THADA: variants seen among roughly 807,000 people sequenced by gnomAD.
THADA encodes the protein tRNA (32-2'-O)-methyltransferase regulator THADA.
THADA carries 213 observed loss-of-function variants against 219.8 expected under a neutral mutation model. The observed-to-expected ratio is 0.97, with a 90% CI of 0.87 to 1.09. The LOEUF (loss-of-function observed/expected upper bound fraction) is 1.09. Among genes scored for constraint, THADA ranks in the 50% least tolerant of loss-of-function variants. THADA has a pLI of 0.00. For synonymous variants in THADA, 1,018 were observed against 828.9 expected (o/e 1.23, Z -3.92); for missense variants, 2,956 against 2,311.3 (o/e 1.28, Z -5.72).
At chr2:43,317,550 A>T (rs1468480991) in intron 31 of THADA, among the ~76,000 whole-genome samples, 2 of 152,248 alleles carry the variant, frequency 1.3e-5, no homozygotes, top group Non-Finnish European at 2.9e-5. Flanking sequence ...TCTATTGCTC[A>T]ACCTGTTTTG....
At chr2:43,411,498 T>G (rs930188809) in intron 28 of THADA, among the ~76,000 whole-genome samples, 1 of 152,188 alleles carries the variant, frequency 6.6e-6, no homozygotes, top group Non-Finnish European at 1.5e-5. Flanking sequence ...TCCCCCCAAC[T>G]TGATTAGATT....
Position 43,262,489 on chromosome 2 carries a change from G to A in THADA, c.5296+17276C>T, listed in dbSNP as rs558643245. 8.3e-4 allele frequency among the ~76,000 whole-genome samples: 126 copies of A among 151,790 alleles called. 1 individual carries two copies. The highest frequency in any genetic ancestry group is 2.9e-3 in the African/African-American group (119 of 41,554). ...CAATCAGTCTGGACTCACTCATATGGAATGGACTGCAGTCACTTGAGAGAG... is the reference window on the plus strand; with the variant it reads ...CAATCAGTCTGGACTCACTCATATGAAATGGACTGCAGTCACTTGAGAGAG... On this transcript the variant is annotated intron_variant, in intron 36 of 37. Coordinates refer to ENST00000405975, the MANE Select transcript of THADA (RefSeq NM_022065.5).
At chr2:43,490,876 A>C (rs762546646) in intron 25 of THADA, among the ~76,000 whole-genome samples, 1 of 152,050 alleles carries the variant, frequency 6.6e-6, no homozygotes, top group South Asian at 2.1e-4. Context: ...ATCCTCCTCA[A>C]ATTTGAGGAG....
intron 14 of THADA, among the ~76,000 whole-genome samples, chr2:43,568,380 T>G (rs1310488413): frequency 1.3e-5 from 2 of 152,158 alleles, no homozygotes; most frequent in African/African-American, 4.8e-5. Flanking sequence ...CCACACCCTG[T>G]GCATGGCACC....
At chr2:43,444,820 T>C (rs1244040704) in intron 26 of THADA, among the ~76,000 whole-genome samples, 1 of 151,924 alleles carries the variant, frequency 6.6e-6, no homozygotes, top group Non-Finnish European at 1.5e-5. Flanking sequence ...AACAGAGTAA[T>C]GTACAGAGGT....
intron 17 of THADA, among the ~76,000 whole-genome samples, chr2:43,553,364 G>A (rs956366803): frequency 6.6e-6 from 1 of 152,110 alleles, no homozygotes; most frequent in African/African-American, 2.4e-5. Context: ...GACCTTGGAA[G>A]GTAATTAGGT....
chr2:43,523,237 C>T (rs1194988905), intron 22 of THADA, among the ~76,000 whole-genome samples: 1 of 152,006 alleles, frequency 6.6e-6, no homozygotes, highest in Non-Finnish European at 1.5e-5. Flanking sequence ...TGGTGGCAGA[C>T]ACCCGTAAGT....
intron 31 of THADA, among the ~76,000 whole-genome samples, chr2:43,311,241 G>A (rs1677476821): frequency 6.6e-6 from 1 of 151,536 alleles, no homozygotes; most frequent in Non-Finnish European, 1.5e-5. Flanking sequence ...GTTCTTTGAA[G>A]ATATATAAAT....
intron 36 of THADA, among the ~76,000 whole-genome samples, chr2:43,239,453 C>T (rs988098224): frequency 7.9e-5 from 12 of 152,246 alleles, no homozygotes; most frequent in Non-Finnish European, 1.5e-4. Flanking sequence ...TGATTCCCCC[C>T]ACTAGGGGAA....
intron 22 of THADA, among the ~76,000 whole-genome samples, chr2:43,520,713 T>C (rs7595026): frequency 0.08 from 9,950 of 125,002 alleles, 348 homozygotes; most frequent in Middle Eastern, 0.15. Context: ...TATATATATA[T>C]ACACACACAC....
At chr2:43,283,865 C>T (rs1673666263) in intron 35 of THADA, among the ~76,000 whole-genome samples, 1 of 152,220 alleles carries the variant, frequency 6.6e-6, no homozygotes, top group Non-Finnish European at 1.5e-5. Flanking sequence ...TTCAAGCCTG[C>T]TGCAGAATTT....
chr2:43,545,996 CT>C, intron 20 of THADA, among the ~76,000 whole-genome samples: 1 of 151,180 alleles, frequency 6.6e-6, no homozygotes, highest in African/African-American at 2.4e-5. Context: ...TTCCTGCTTT[CT>C]CTTGTGGGCA....
chr2:43,295,926 T>G (rs1234747851), intron 31 of THADA, among the ~76,000 whole-genome samples: 4 of 150,566 alleles, frequency 2.7e-5, no homozygotes, highest in Non-Finnish European at 5.9e-5. Context: ...CTGTTTTTTT[T>G]TTTTTTTTTT....
Position 43,577,027 on chromosome 2 carries a change from A to G in THADA, c.1032T>C (p.Ser344=), listed in dbSNP as rs368007351. The change falls in exon 10 of 38, where the codon AGT becomes AGC. Residue 344 remains serine, a synonymous_variant. Transcript: ENST00000405975. The part of the protein sequence containing the change: ...LDTAHVLFTL[S]SQIKEPTLEM... ...ACGATAGCATCAAAACTCACTGTGAACTCAAGGTGAACAAAACATGTGCAG... is the reference window on the plus strand; with the variant it reads ...ACGATAGCATCAAAACTCACTGTGAGCTCAAGGTGAACAAAACATGTGCAG... 38 of 1,612,202 alleles carry G rather than the reference A, an allele frequency of 2.4e-5. No homozygotes were observed. Among genetic ancestry groups the G allele is most frequent in the Non-Finnish European group, 3.2e-5 (38 of 1,179,114 alleles).
intron 29 of THADA, among the ~76,000 whole-genome samples, chr2:43,378,673 T>C (rs1671654963): frequency 6.6e-6 from 1 of 152,212 alleles, no homozygotes; most frequent in Non-Finnish European, 1.5e-5. Flanking sequence ...TGGCATGATC[T>C]GGGCTCACTG....
intron 26 of THADA, among the ~76,000 whole-genome samples, chr2:43,458,267 A>T: frequency 6.6e-6 from 1 of 152,306 alleles, no homozygotes; most frequent in Middle Eastern, 3.4e-3. Flanking sequence ...GATATGACTC[A>T]CAGGGAGCCC....
intron 16 of THADA, among the ~76,000 whole-genome samples, chr2:43,557,812 GT>G (rs1697563726): frequency 6.6e-6 from 1 of 152,174 alleles, no homozygotes; most frequent in Admixed American, 6.5e-5. Context: ...CAATTTTGAA[GT>G]TGATTATAGG....
chr2:43,518,599 G>A (rs747892243), intron 22 of THADA, among the ~76,000 whole-genome samples: 1 of 152,114 alleles, frequency 6.6e-6, no homozygotes, highest in Non-Finnish European at 1.5e-5. Context: ...ATTTAACCGA[G>A]GTTTGTACAC....
chr2:43,377,702 T>C (rs1335349913), intron 29 of THADA, among the ~76,000 whole-genome samples: 1 of 152,134 alleles, frequency 6.6e-6, no homozygotes, highest in Non-Finnish European at 1.5e-5. Context: ...TTATGCAGTA[T>C]AGGAACAAGA....
Sources: gnomAD v4.1 joint callset for allele counts (sites outside exome capture counted in the v4.1 genomes callset) on GRCh38, gnomAD v4.1.1 for gene constraint, MANE v1.5 for transcripts, NCBI Gene and HGNC (gene_info 2026-07-23, HGNC 2026-07-21) for gene names.